Variants in MYO1G observed in about 807,000 individuals in gnomAD.
MYO1G encodes unconventional myosin-Ig.
MYO1G carries 65 observed loss-of-function variants against 115.3 expected under a neutral mutation model. That is an observed-to-expected ratio of 0.56 (90% CI 0.46 to 0.69). The LOEUF is 0.69. Among genes scored for constraint, MYO1G ranks in the 30% least tolerant of loss-of-function variants. The pLI is 0.00. For missense variants in MYO1G, 1,204 were observed against 1,393.5 expected (o/e 0.86, Z 2.16); for synonymous variants, 510 against 552.6 (o/e 0.92, Z 1.08).
intron 5 of MYO1G, chr7:44,974,302 C>A (rs1165817866): frequency 5.3e-5 from 8 of 151,766 alleles, no homozygotes; most frequent in African/African-American, 1.9e-4. Context: ...ACCCAGGGAG[C>A]TCCTGTCTCA....
chr7:44,967,345 T>A (rs1794865166), intron 14 of MYO1G, among the ~76,000 whole-genome samples: 1 of 152,088 alleles, frequency 6.6e-6, no homozygotes, highest in South Asian at 2.1e-4. Flanking sequence ...CCCAAACCCC[T>A]CCCTGTTCAA....
chr7:44,971,920 T>G, intron 6 of MYO1G, 131 bp from the exon 7 acceptor site: 1 of 778,876 alleles, frequency 1.3e-6, no homozygotes, highest in Non-Finnish European at 2.1e-6. Flanking sequence ...ACCTGATTAC[T>G]CCAGCCTAAG....
chr7:44,971,361 G>A (rs1198004549), intron 7 of MYO1G, among the ~76,000 whole-genome samples: 4 of 152,190 alleles, frequency 2.6e-5, no homozygotes, highest in South Asian at 2.1e-4. Flanking sequence ...TCCTCATGCC[G>A]CTTAGAGAGA....
At chr7:44,978,653 G>C (rs1043715299) in intron 1 of MYO1G, among the ~76,000 whole-genome samples, 10 of 152,200 alleles carry the variant, frequency 6.6e-5, no homozygotes, top group African/African-American at 2.4e-4. Context: ...TGACTTGCCA[G>C]CCCTGACAGG....
Position 44,969,274 on chromosome 7 carries a change from A to T in MYO1G, c.1574+139T>A. 1 of 754,632 alleles carries T rather than the reference A, an allele frequency of 1.3e-6. No individual in the cohort carries two copies. The highest frequency in any genetic ancestry group is 2.5e-5 in the East Asian group (1 of 40,554). 46.7% of individuals were successfully genotyped at this position (754,632 alleles called of 1,614,324 possible). A position where few individuals can be genotyped will look rare whatever the true frequency, so the allele number is the denominator to read the frequency against. On this transcript the variant is annotated intron_variant, in intron 12 of 21. Transcript: ENST00000258787. The surrounding 1 kb of genome is among the most constrained non-coding windows in gnomAD (Gnocchi z 5.0). ...GTGAATCTGCTGTCCGGCATGTTTC[A>T]GTGTCTTAAAGGGGTGGGGGTGGCA... is the stretch of plus-strand genomic sequence containing the variant.
intron 3 of MYO1G, 77 bp downstream of exon 3, chr7:44,976,487 C>G (rs892866439): frequency 2.8e-6 from 4 of 1,424,284 alleles, no homozygotes; most frequent in Non-Finnish European, 4.0e-6. Flanking sequence ...CTCTCACTCC[C>G]CAGAGCCAGC....
intron 7 of MYO1G, 99 bp downstream of exon 7, chr7:44,971,574 G>A (rs1794958165): frequency 2.4e-6 from 2 of 829,642 alleles, no homozygotes; most frequent in South Asian, 3.3e-5. Context: ...GCACATTGCT[G>A]GGGCATCTCC....
At position 44,963,791 on chromosome 7, in the gene MYO1G, G is replaced by A; in HGVS notation, c.2745+258C>T. The A allele has an allele frequency of 2.0e-6, 1 of 487,832 alleles. No homozygotes were observed. Among genetic ancestry groups the A allele is most frequent in the Non-Finnish European group, 3.7e-6 (1 of 269,136 alleles). 30.2% of individuals were successfully genotyped at this position (487,832 alleles called of 1,614,324 possible). ...CAGTTGGGCACAAGTTGGAAGAGGG[G>A]ACCATTTGGCTTGGCTAGAGTGTGA... On this transcript the variant is annotated intron_variant, in intron 20 of 21. Transcript: ENST00000258787. The surrounding 1 kb of genome is among the most constrained non-coding windows in gnomAD (Gnocchi z 4.1).
Position 44,965,716 on chromosome 7 carries a change from A to G in MYO1G, c.2302T>C (p.Tyr768His). Residue 768 changes from tyrosine (Y) to histidine (H), a missense_variant, in exon 17 of 22, where the codon TAC (tyrosine) becomes CAC (histidine). Tyr to His is a moderately conservative substitution (Grantham distance 83). Coordinates refer to ENST00000258787, the MANE Select transcript of MYO1G (RefSeq NM_033054.3). ...AGCGGCCACACAAGGTCACGCCCGT[A>G]GAGTGGCGGCTGCCTTGCAGCCTGG... ...RFQAARQPPL[Y>H]GRDLVWPLPP... The G allele has an allele frequency of 6.2e-7, 1 of 1,612,408 alleles. No homozygotes were observed. The highest frequency in any genetic ancestry group is 8.5e-7 in the Non-Finnish European group (1 of 1,179,876).
chr7:44,977,755 G>A (rs1445680842), intron 1 of MYO1G, among the ~76,000 whole-genome samples: 1 of 152,098 alleles, frequency 6.6e-6, no homozygotes, highest in African/African-American at 2.4e-5. Context: ...TGGCAGGCCT[G>A]CCCCTCAGAC....
rs755536850 is a variant in MYO1G, at chr7:44,966,512, C to T, written c.1949+160G>A. The T allele has an allele frequency of 2.1e-6, 2 of 933,984 alleles. No homozygotes were observed. Among genetic ancestry groups the T allele is most frequent in the Admixed American group, 2.0e-5 (1 of 50,416 alleles). The allele number at this position is 933,984 out of a possible 1,614,324, so 57.9% of individuals were successfully genotyped here. ...GTCCCCACATGCATGTGCTCACACA[C>T]ATGTCTTCCCAGATATTTTGGTGTC... On this transcript the variant is annotated intron_variant, in intron 15 of 21. Transcript: ENST00000258787. The surrounding 1 kb of genome is among the most constrained non-coding windows in gnomAD (Gnocchi z 5.0).
intron 12 of MYO1G, chr7:44,968,599 G>C (rs993919428): frequency 2.0e-5 from 3 of 151,878 alleles, no homozygotes; most frequent in African/African-American, 7.3e-5. Flanking sequence ...CTACCTCCCA[G>C]GTTCAAGCAG....
rs145240682 is a variant in MYO1G, at chr7:44,972,191, T to G, written c.653A>C (p.Glu218Ala). Reference protein sequence around the residue: ...LRGSEDKQLHELHLERNPAVY... With the variant: ...LRGSEDKQLHALHLERNPAVY... Reference sequence around the variant, plus strand: ...AGCAGGGTTTCTCTCCAAGTGCAGTTCATGCAGCTGCTTGTCCTCACTGCC... The same window carrying G: ...AGCAGGGTTTCTCTCCAAGTGCAGTGCATGCAGCTGCTTGTCCTCACTGCC... The change falls in exon 6 of 22, where the codon GAA becomes GCA. Residue 218 changes from glutamate to alanine, a missense_variant. Glu to Ala is a moderately radical substitution (Grantham distance 107). Coordinates refer to ENST00000258787, the MANE Select transcript of MYO1G (RefSeq NM_033054.3). The G allele has an allele frequency of 2.4e-5, 38 of 1,613,966 alleles. No individual in the cohort carries two copies. Among genetic ancestry groups the G allele is most frequent in the Admixed American group, 2.0e-4 (12 of 60,004 alleles).
chr7:44,964,098 A>G lies in MYO1G; in HGVS notation c.2696T>C (p.Leu899Pro). The G allele has an allele frequency of 6.2e-7, 1 of 1,607,168 alleles. No homozygotes were observed. The change falls in exon 20 of 22, where the codon CTG becomes CCG. Residue 899 changes from leucine to proline, a missense_variant. By Grantham distance (98) the Leu-to-Pro change is moderately conservative. Coordinates refer to ENST00000258787, the MANE Select transcript of MYO1G (RefSeq NM_033054.3). This position sits in a 1 kb window ranked among gnomAD's most constrained non-coding sequence, Gnocchi z 5.1. ...CACCCGGTACTGCCGGTCAGGGTCC[A>G]GCTTGTAGAGGTGCTGGTCTGTGAG... The part of the protein sequence containing the change: ...LLLTDQHLYK[L>P]DPDRQYRVMR...
intron 3 of MYO1G, among the ~76,000 whole-genome samples, 190 bp from the exon 4 acceptor site, chr7:44,975,839 C>T (rs964051642): frequency 3.9e-5 from 6 of 152,224 alleles, no homozygotes; most frequent in African/African-American, 1.4e-4. Context: ...CACTTCACCT[C>T]TGAGAGGCTG....
intron 1 of MYO1G, 40 bp downstream of exon 1, chr7:44,978,827 C>T (rs574396902): frequency 1.9e-6 from 3 of 1,579,608 alleles, no homozygotes; most frequent in Admixed American, 1.7e-5. Context: ...GGTGGGAGAC[C>T]CTGGAGGAGG....
Position 44,971,695 on chromosome 7 carries a change from A to G in MYO1G, c.824T>C (p.Ile275Thr), listed in dbSNP as rs149854663. The G allele has an allele frequency of 5.1e-4, 797 of 1,558,410 alleles. No individual in the cohort carries two copies. Among genetic ancestry groups the G allele is most frequent in the Non-Finnish European group, 6.5e-4 (747 of 1,150,766 alleles). ...CACCAGGTGCAATATGGCAGCCAGG[A>G]TGCGATGCACAGACTCCACCTCTTC... is the stretch of plus-strand genomic sequence containing the variant. ...SPEEVESVHR[I>T]LAAILHLGNI... The change falls in exon 7 of 22, where the codon ATC becomes ACC. Residue 275 changes from isoleucine (I) to threonine (T), a missense_variant. Physicochemically the swap from Ile to Thr is moderately conservative, Grantham distance 89. Transcript: ENST00000258787.
Position 44,966,334 on chromosome 7 carries a change from GC to G in MYO1G, c.1950-55del. 1 of 1,422,908 alleles carries G rather than the reference GC, an allele frequency of 7.0e-7. No homozygotes were observed. The highest frequency in any genetic ancestry group is 9.6e-7 in the Non-Finnish European group (1 of 1,038,872). The allele number at this position is 1,422,908 out of a possible 1,614,324, so 88.1% of individuals were successfully genotyped here. A position where few individuals can be genotyped will look rare whatever the true frequency, so the allele number is the denominator to read the frequency against. On this transcript the variant is annotated intron_variant, in intron 15 of 21. Transcript: ENST00000258787. The surrounding 1 kb of genome is among the most constrained non-coding windows in gnomAD (Gnocchi z 5.0). ...CCAGGCCTGGGGGAGAGATGATGGA[GC>G]CCACCCTGCCCACCCCACACCTGGG...
intron 5 of MYO1G, chr7:44,973,984 G>A (rs1387234022): frequency 6.6e-6 from 1 of 151,736 alleles, no homozygotes; most frequent in Non-Finnish European, 1.5e-5. Flanking sequence ...GTCTCAGGGA[G>A]CTTTTACCTC....
Sources: allele counts gnomAD v4.1 joint callset (sites outside exome capture counted in the v4.1 genomes callset), GRCh38; gene constraint gnomAD v4.1.1; non-coding constraint Gnocchi (gnomAD v3.1); transcripts MANE v1.5; gene names NCBI Gene and HGNC (gene_info 2026-07-23, HGNC 2026-07-21).